The following WHRN variants were observed in gnomAD, a reference collection of about 807,000 sequenced individuals.
WHRN encodes CASK-interacting protein CIP98.
In WHRN, 41 loss-of-function variants were observed where a neutral mutation model predicts 68.3. The ratio of observed to expected loss-of-function variants is 0.60; its 90% CI spans 0.47 to 0.78. The LOEUF is 0.78. Ranked by LOEUF, WHRN falls within the 30% of genes least tolerant of loss-of-function variation. The pLI is 0.00. For missense variants in WHRN, 1,243 were observed against 1,244.7 expected (o/e 1.00, Z 0.02); for synonymous variants, 560 against 561.3 (o/e 1.00, Z 0.03).
Position 114,504,368 on chromosome 9 carries a change from C to A in WHRN, c.434G>T (p.Arg145Leu). Reference sequence around the variant, plus strand: ...GCCCAAGCCCTCGTGGGCCTTGGCACGCCGCAAACTCACCAGGCGCACCTC... The same window carrying A: ...GCCCAAGCCCTCGTGGGCCTTGGCAAGCCGCAAACTCACCAGGCGCACCTC... ...PGEVRLVSLRRAKAHEGLGFS... is the reference protein window; with the variant it reads ...PGEVRLVSLRLAKAHEGLGFS... The change falls in exon 1 of 12, where the codon CGT (arginine) becomes CTT (leucine). Residue 145 changes from arginine (R) to leucine (L), a missense_variant. Transcript: ENST00000362057. The A allele has an allele frequency of 1.2e-6, 2 of 1,607,134 alleles. No individual in the cohort carries two copies. Among genetic ancestry groups the A allele is most frequent in the African/African-American group, 2.7e-5 (2 of 75,078 alleles).
rs1457465303 is a variant in WHRN at position 114,478,533 on chromosome 9, C to T, written c.837+20G>A. ...AATACGGTGTCTGAGAGGCTGGCCT[C>T]CTTTCCCCACCCCACTCACCTTTTT... On this transcript the variant is annotated intron_variant, in intron 2 of 11. Coordinates refer to ENST00000362057, the MANE Select transcript of WHRN (RefSeq NM_015404.4). The T allele has an allele frequency of 1.2e-6, 2 of 1,613,854 alleles. No homozygotes were observed. Among genetic ancestry groups the T allele is most frequent in the Non-Finnish European group, 1.7e-6 (2 of 1,179,736 alleles).
At chr9:114,443,327 G>A (rs1296177956) in intron 3 of WHRN, among the ~76,000 whole-genome samples, 1 of 152,116 alleles carries the variant, frequency 6.6e-6, no homozygotes, top group Admixed American at 6.5e-5. Flanking sequence ...GGTCTCACTG[G>A]GCTAAAATCA....
In WHRN at chr9:114,504,877, G is replaced by C. The variant is rs909078456; in HGVS notation, c.-76C>G. ...CCGCTGTCCTCGCGGGTACTGGCGC[G>C]ACAGCTGGATCCCCGGGAGCGCGGA... On this transcript the variant is annotated 5_prime_UTR_variant, in exon 1 of 12. Transcript: ENST00000362057. 2.3e-6 allele frequency: 3 copies of C among 1,333,214 alleles called. No individual in the cohort carries two copies. The highest frequency in any genetic ancestry group is 2.1e-5 in the South Asian group (1 of 47,996). 82.6% of individuals were successfully genotyped at this position (1,333,214 alleles called of 1,614,324 possible).
chr9:114,417,289 G>A (rs1037837038), intron 7 of WHRN, among the ~76,000 whole-genome samples: 1 of 152,214 alleles, frequency 6.6e-6, no homozygotes, highest in African/African-American at 2.4e-5. Context: ...CAGGCTAAAT[G>A]GAAACTGGCT....
At chr9:114,489,506 A>ACC in intron 1 of WHRN, among the ~76,000 whole-genome samples, 1 of 43,388 alleles carries the variant, frequency 2.3e-5, no homozygotes, top group African/African-American at 7.3e-5. Flanking sequence ...ACACACACGC[A>ACC]CACACGCGTG....
At chr9:114,427,388 C>T (rs1011997403) in intron 3 of WHRN, among the ~76,000 whole-genome samples, 1 of 152,184 alleles carries the variant, frequency 6.6e-6, no homozygotes, top group Non-Finnish European at 1.5e-5. Context: ...TATGATGGGA[C>T]CGCACCTTTA....
chr9:114,435,979 T>C (rs1837813906), intron 3 of WHRN, among the ~76,000 whole-genome samples: 1 of 152,228 alleles, frequency 6.6e-6, no homozygotes, highest in Admixed American at 6.5e-5. Context: ...ATCGGCTCTC[T>C]CTCAGCTCAC....
chr9:114,499,666 A>G (rs1843753952), intron 1 of WHRN, among the ~76,000 whole-genome samples: 1 of 152,252 alleles, frequency 6.6e-6, no homozygotes, highest in African/African-American at 2.4e-5. Context: ...AAGCTTGAGC[A>G]GTCAGGCACA....
At chr9:114,473,516 C>A (rs1841413721) in intron 2 of WHRN, among the ~76,000 whole-genome samples, 1 of 152,236 alleles carries the variant, frequency 6.6e-6, no homozygotes, top group Non-Finnish European at 1.5e-5. Context: ...CCTCCATTTT[C>A]ATCTCTGGAA....
chr9:114,406,428 A>G lies in WHRN; in HGVS notation c.2163T>C (p.Phe721=), dbSNP rs752026052. Residue 721 remains phenylalanine (F), a synonymous_variant, in exon 9 of 12, where the codon TTT becomes TTC. Coordinates refer to ENST00000362057, the MANE Select transcript of WHRN (RefSeq NM_015404.4). ...HPDQTGTNQH[F]VMVEVHRPDS... is the part of the protein sequence containing the mutation. ...CGGGGCGGTGGACCTCCACCATGACAAAGTGCTGGTTTGTGCCTGTCTGGT... is the reference window on the plus strand; with the variant it reads ...CGGGGCGGTGGACCTCCACCATGACGAAGTGCTGGTTTGTGCCTGTCTGGT... The G allele has an allele frequency of 5.0e-6, 8 of 1,613,960 alleles. No individual in the cohort carries two copies. The African/African-American group carries it at 6.7e-5, about 13-fold the overall frequency.
At chr9:114,427,877 A>T (rs1329812306) in intron 3 of WHRN, among the ~76,000 whole-genome samples, 1 of 152,086 alleles carries the variant, frequency 6.6e-6, no homozygotes, top group Non-Finnish European at 1.5e-5. Context: ...TGCAATGCCT[A>T]CTGTGTGCTG....
intron 3 of WHRN, among the ~76,000 whole-genome samples, chr9:114,455,713 C>CAA (rs34546424): frequency 1.8e-4 from 22 of 123,332 alleles, no homozygotes; most frequent in African/African-American, 4.7e-4. Flanking sequence ...GACCCTGTCT[C>CAA]AAAAAAAAAA....
chr9:114,433,412 G>A lies in WHRN; in HGVS notation c.964-6999C>T, dbSNP rs10982216. ...CGCTGGGAAGGGCCCGAAAGAAGCC[G>A]ATTTCAGAGTTGCCTTCAGCACCCT... On this transcript the variant is annotated intron_variant, in intron 3 of 11. Transcript: ENST00000362057. Among the ~76,000 whole-genome samples the A allele has an allele frequency of 2.1e-3, 322 of 152,346 alleles. 8 individuals carry two copies. In the South Asian group the frequency reaches 0.034, roughly 16 times the overall value.
chr9:114,414,260 C>T (rs1384213903), intron 7 of WHRN, among the ~76,000 whole-genome samples: 2 of 152,202 alleles, frequency 1.3e-5, no homozygotes, highest in African/African-American at 2.4e-5. Context: ...TTCACAGTTA[C>T]AGCAGTTACT....
chr9:114,478,278 ACT>A, intron 2 of WHRN: 1 of 683,750 alleles, frequency 1.5e-6, no homozygotes, highest in Non-Finnish European at 2.7e-6. Flanking sequence ...ACAGAGTGAG[ACT>A]CTGTCTCCAA....
chr9:114,446,661 T>C (rs1350927887), intron 3 of WHRN, among the ~76,000 whole-genome samples: 1 of 152,320 alleles, frequency 6.6e-6, no homozygotes, highest in Non-Finnish European at 1.5e-5. Flanking sequence ...ACAAAGGGTC[T>C]GGCTCAAACC....
chr9:114,474,026 T>G (rs1237968889), intron 2 of WHRN, among the ~76,000 whole-genome samples: 1 of 152,164 alleles, frequency 6.6e-6, no homozygotes, highest in Non-Finnish European at 1.5e-5. Context: ...CCTCCTCCCC[T>G]GGGTCTTCCT....
rs1785914373 is a variant in WHRN, at chr9:114,439,472, A to G, written c.964-13059T>C. Reference sequence around the variant, plus strand: ...TGTAAAATTGGGCAAATGGGTAAACACTTAAGGTAGGTTCTTGATTTCTCA... The same window carrying G: ...TGTAAAATTGGGCAAATGGGTAAACGCTTAAGGTAGGTTCTTGATTTCTCA... On this transcript the variant is annotated intron_variant, in intron 3 of 11. Coordinates refer to ENST00000362057, the MANE Select transcript of WHRN (RefSeq NM_015404.4). Among the ~76,000 whole-genome samples, 3 of 152,238 alleles carry G rather than the reference A, an allele frequency of 2.0e-5. No individual in the cohort carries two copies. The South Asian group carries it at 6.2e-4, about 32-fold the overall frequency.
At chr9:114,423,557 G>A (rs769228895) in intron 6 of WHRN, 34 bp from the exon 7 acceptor site, 1 of 1,582,056 alleles carries the variant, frequency 6.3e-7, no homozygotes. Flanking sequence ...ACTCAGCAGG[G>A]AGCGCTACTA....
Sources: gnomAD v4.1 joint callset for allele counts (sites outside exome capture counted in the v4.1 genomes callset) on GRCh38, gnomAD v4.1.1 for gene constraint, MANE v1.5 for transcripts, NCBI Gene and HGNC (gene_info 2026-07-23, HGNC 2026-07-21) for gene names.